PCARE: variants seen among roughly 807,000 people sequenced by gnomAD.
PCARE encodes uncharacterized protein C2orf71.
In PCARE, 72 loss-of-function variants were observed where a neutral mutation model predicts 82.2. That is an observed-to-expected ratio of 0.88 (90% CI 0.72 to 1.07). The LOEUF is 1.07. PCARE is among the 50% of genes least tolerant of loss of function. The probability of loss-of-function intolerance (pLI) is 0.00; values close to 1 mark genes in which losing one functional copy is unlikely to be tolerated. For synonymous variants in PCARE, 705 were observed against 634.8 expected (o/e 1.11, Z -1.66); for missense variants, 1,768 against 1,592.4 (o/e 1.11, Z -1.88).
Position 29,073,798 on chromosome 2 carries a change from C to T in PCARE, c.464G>A (p.Ser155Asn). The T allele has an allele frequency of 6.8e-6, 11 of 1,614,194 alleles. No homozygotes were observed. Among genetic ancestry groups the T allele is most frequent in the Non-Finnish European group, 9.3e-6 (11 of 1,180,044 alleles). Reference sequence around the variant, plus strand: ...GGTTTGGTAGCAGTGGCTCTGTGTGCTTGACGTGTGACATTTTGCTGTCCT... The same window carrying T: ...GGTTTGGTAGCAGTGGCTCTGTGTGTTTGACGTGTGACATTTTGCTGTCCT... Reference protein sequence around the residue: ...WKRTAKCHTSSTQSHCYQTIH... With the variant: ...WKRTAKCHTSNTQSHCYQTIH... The change falls in exon 1 of 2, where the codon AGC (serine) becomes AAC (asparagine). Residue 155 changes from serine (S) to asparagine (N), a missense_variant. Ser to Asn is a conservative substitution (Grantham distance 46, BLOSUM62 1). Coordinates refer to ENST00000331664, the MANE Select transcript of PCARE (RefSeq NM_001029883.3).
Position 29,072,683 on chromosome 2 carries a change from C to A in PCARE, c.1579G>T (p.Ala527Ser). The A allele has an allele frequency of 6.2e-7, 1 of 1,614,052 alleles. No individual in the cohort carries two copies. The highest frequency in any genetic ancestry group is 8.5e-7 in the Non-Finnish European group (1 of 1,180,016). The change falls in exon 1 of 2, where the codon GCC (alanine) becomes TCC (serine). Residue 527 changes from alanine (A) to serine (S), a missense_variant. Transcript: ENST00000331664. ...AGGCTCCTAAGCCTCCTGGTGCGGG[C>A]CTGAAATGGGCTTTCCCGGTCAGCA... is the stretch of plus-strand genomic sequence containing the variant. ...SPADRESPFQARTRRLRSLQA... is the reference protein window; with the variant it reads ...SPADRESPFQSRTRRLRSLQA...
rs534027529 is a variant in PCARE at position 29,074,210 on chromosome 2, C to T, written c.52G>A (p.Gly18Ser). The change falls in exon 1 of 2, where the codon GGC becomes AGC. Residue 18 changes from glycine to serine, a missense_variant. Gly to Ser is a moderately conservative substitution (Grantham distance 56). Coordinates refer to ENST00000331664, the MANE Select transcript of PCARE (RefSeq NM_001029883.3). ...SDLVNSVAKS[G>S]IQFLKKPKAI... ...TTGGGCTTTTTCAAGAACTGAATGC[C>T]ACTCTTTGCAACGCTGTTTACAAGG... is the stretch of plus-strand genomic sequence containing the variant. 15 of 1,593,424 alleles carry T rather than the reference C, an allele frequency of 9.4e-6. No individual in the cohort carries two copies. Among genetic ancestry groups the T allele is most frequent in the Non-Finnish European group, 1.3e-5 (15 of 1,169,410 alleles).
rs750343862 is a variant in PCARE at position 29,072,379 on chromosome 2, G to C, written c.1883C>G (p.Ala628Gly). Residue 628 changes from alanine to glycine, a missense_variant, in exon 1 of 2, where the codon GCC becomes GGC. Ala to Gly is a moderately conservative substitution (Grantham distance 60). Coordinates refer to ENST00000331664, the MANE Select transcript of PCARE (RefSeq NM_001029883.3). ...DLSQKLEAFYALGAKGQGQSQ... is the reference protein window; with the variant it reads ...DLSQKLEAFYGLGAKGQGQSQ... ...CTGCCCCTGCCCTTTGGCACCCAGG[G>C]CATAAAATGCCTCCAGCTTCTGACT... 1.2e-6 allele frequency: 2 copies of C among 1,614,108 alleles called. No homozygotes were observed. The highest frequency in any genetic ancestry group is 8.5e-7 in the Non-Finnish European group (1 of 1,180,030).
rs1243777937 is a variant in PCARE, at chr2:29,070,738, G to A, written c.3524C>T (p.Ser1175Leu). 8.7e-6 allele frequency: 14 copies of A among 1,614,146 alleles called. No homozygotes were observed. In the Middle Eastern group the frequency reaches 1.5e-3, roughly 171 times the overall value. ...GGCACACAGAGCTGCTCTCCGCTGC[G>A]AGTCTGCTCTCAGCCAAGGCCCTGA... ...NSSGPWLRADSQRRAALCALN... is the reference protein window; with the variant it reads ...NSSGPWLRADLQRRAALCALN... Residue 1175 changes from serine (S) to leucine (L), a missense_variant, in exon 1 of 2, where the codon TCG (serine) becomes TTG (leucine). Transcript: ENST00000331664.
chr2:29,069,209 TAG>T (rs1667435238), intron 1 of PCARE, among the ~76,000 whole-genome samples: 2 of 152,208 alleles, frequency 1.3e-5, no homozygotes, highest in Admixed American at 1.3e-4. Flanking sequence ...TTTGTTGTTG[TAG>T]AAGATACTCT....
In PCARE at chr2:29,073,929, A is replaced by G. The variant is rs567461170; in HGVS notation, c.333T>C (p.Ala111=). ...SQLNKSQSHM[A]KDIPFKTQGS... Reference sequence around the variant, plus strand: ...CCTGTGTCTTGAACGGAATATCCTTAGCCATGTGGCTTTGTGATTTGTTCA... The same window carrying G: ...CCTGTGTCTTGAACGGAATATCCTTGGCCATGTGGCTTTGTGATTTGTTCA... Residue 111 remains alanine, a synonymous_variant, in exon 1 of 2, where the codon GCT becomes GCC. Transcript: ENST00000331664. The G allele has an allele frequency of 1.2e-6, 2 of 1,614,206 alleles. No individual in the cohort carries two copies. The highest frequency in any genetic ancestry group is 2.2e-5 in the South Asian group (2 of 91,078).
chr2:29,072,013 G>C lies in PCARE; in HGVS notation c.2249C>G (p.Ser750Cys). Residue 750 changes from serine to cysteine, a missense_variant, in exon 1 of 2, where the codon TCT becomes TGT. Ser to Cys is a moderately radical substitution (Grantham distance 112). Transcript: ENST00000331664. ...PTESLRMLGD[S>C]KDAGASPCLR... The stretch of plus-strand genomic sequence containing the variant: ...GCAGGGACTTGCCCCAGCGTCCTTA[G>C]AGTCCCCCAGCATCCTCAGACTCTC... The C allele has an allele frequency of 6.2e-7, 1 of 1,614,030 alleles. No individual in the cohort carries two copies. Among genetic ancestry groups the C allele is most frequent in the South Asian group, 1.1e-5 (1 of 91,072 alleles).
At chr2:29,065,868 C>T (rs957422720) in intron 1 of PCARE, among the ~76,000 whole-genome samples, 5 of 152,152 alleles carry the variant, frequency 3.3e-5, no homozygotes, top group African/African-American at 9.7e-5. Flanking sequence ...AGTAATAGGC[C>T]GGGCGTGCTG....
Position 29,073,318 on chromosome 2 carries a change from C to T in PCARE, c.944G>A (p.Arg315Lys), listed in dbSNP as rs756484547. 1.9e-5 allele frequency: 31 copies of T among 1,614,020 alleles called. No homozygotes were observed. The highest frequency in any genetic ancestry group is 2.5e-5 in the Non-Finnish European group (30 of 1,180,040). Residue 315 changes from arginine to lysine, a missense_variant, in exon 1 of 2, where the codon AGG becomes AAG. Transcript: ENST00000331664. Reference protein sequence around the residue: ...THLENKLSTKRNVDERLLRAL... With the variant: ...THLENKLSTKKNVDERLLRAL... ...CCTCAGGAGGCGTTCATCCACATTC[C>T]TTTTTGTGCTCAGCTTATTTTCCAA...
Position 29,071,283 on chromosome 2 carries a change from C to G in PCARE, c.2979G>C (p.Lys993Asn). ...CCCAGTGTGTCCTCGTGGGAGAGGC[C>G]TTTCTGCCCACAGGGGGGCTTCTCT... ...SRERSPPVGR[K>N]ASPTRTHWVP... is the part of the protein sequence containing the mutation. The change falls in exon 1 of 2, where the codon AAG (lysine) becomes AAC (asparagine). Residue 993 changes from lysine (K) to asparagine (N), a missense_variant. Coordinates refer to ENST00000331664, the MANE Select transcript of PCARE (RefSeq NM_001029883.3). 6.2e-7 allele frequency: 1 copy of G among 1,613,412 alleles called. No individual in the cohort carries two copies. The highest frequency in any genetic ancestry group is 1.3e-5 in the African/African-American group (1 of 74,982).
chr2:29,072,617 T>C lies in PCARE; in HGVS notation c.1645A>G (p.Ser549Gly), dbSNP rs750746810. 2 of 1,614,124 alleles carry C rather than the reference T, an allele frequency of 1.2e-6. No individual in the cohort carries two copies. Among genetic ancestry groups the C allele is most frequent in the African/African-American group, 1.3e-5 (1 of 75,066 alleles). The change falls in exon 1 of 2, where the codon AGC becomes GGC. Residue 549 changes from serine (S) to glycine (G), a missense_variant. By Grantham distance (56) the Ser-to-Gly change is moderately conservative (BLOSUM62 0). Coordinates refer to ENST00000331664, the MANE Select transcript of PCARE (RefSeq NM_001029883.3). ...EMILKMKESI[S>G]ERIKFVPVPC... Reference sequence around the variant, plus strand: ...ACAGGGACAAACTTGATCCTTTCGCTGATTGACTCCTTCATCTTCAGAATC... The same window carrying C: ...ACAGGGACAAACTTGATCCTTTCGCCGATTGACTCCTTCATCTTCAGAATC...
In PCARE at chr2:29,073,925, C is replaced by A; in HGVS notation, c.337G>T (p.Asp113Tyr). The change falls in exon 1 of 2, where the codon GAT (aspartate) becomes TAT (tyrosine). Residue 113 changes from aspartate to tyrosine, a missense_variant. Physicochemically the swap from Asp to Tyr is radical, Grantham distance 160. Transcript: ENST00000331664. ...GAACCCTGTGTCTTGAACGGAATAT[C>A]CTTAGCCATGTGGCTTTGTGATTTG... ...LNKSQSHMAK[D>Y]IPFKTQGSHG... 1 of 1,614,256 alleles carries A rather than the reference C, an allele frequency of 6.2e-7. No homozygotes were observed.
chr2:29,069,207 T>G (rs1233641625), intron 1 of PCARE, among the ~76,000 whole-genome samples: 2 of 152,200 alleles, frequency 1.3e-5, no homozygotes, highest in African/African-American at 4.8e-5. Context: ...TTTTTGTTGT[T>G]GTAGAAGATA....
rs376533270 is a variant in PCARE, at chr2:29,071,939, C to T, written c.2323G>A (p.Ala775Thr). The change falls in exon 1 of 2, where the codon GCC becomes ACC. Residue 775 changes from alanine (A) to threonine (T), a missense_variant. Ala to Thr is a moderately conservative substitution (Grantham distance 58). Coordinates refer to ENST00000331664, the MANE Select transcript of PCARE (RefSeq NM_001029883.3). ...PPRFPKYTGLAPLYPKPQISP... is the reference protein window; with the variant it reads ...PPRFPKYTGLTPLYPKPQISP... ...ATTTGGGGCTTCGGATACAAAGGGG[C>T]AAGCCCTGTGTACTTGGGAAATCTG... The T allele has an allele frequency of 1.2e-5, 20 of 1,614,188 alleles. No homozygotes were observed. The African/African-American group carries it at 2.5e-4, about 20-fold the overall frequency.
rs978773304 is a variant in PCARE at position 29,064,378 on chromosome 2, G to A, written c.*491C>T. On this transcript the variant is annotated 3_prime_UTR_variant, in exon 2 of 2. Transcript: ENST00000331664. ...AGAGATTCTAACACCAGACTCATCT[G>A]TGCAAAATTTTGCTCTATTCTCTTC... The A allele has an allele frequency of 2.1e-5, 4 of 191,052 alleles. No individual in the cohort carries two copies. The highest frequency in any genetic ancestry group is 4.4e-5 in the Non-Finnish European group (4 of 90,846). 11.8% of individuals were successfully genotyped at this position (191,052 alleles called of 1,614,324 possible). A position where few individuals can be genotyped will look rare whatever the true frequency, so the allele number is the denominator to read the frequency against.
In PCARE at chr2:29,064,847, G is replaced by C. The variant is rs1464000003; in HGVS notation, c.*22C>G. The C allele has an allele frequency of 6.2e-7, 1 of 1,609,294 alleles. No individual in the cohort carries two copies. The highest frequency in any genetic ancestry group is 8.5e-7 in the Non-Finnish European group (1 of 1,179,948). ...TTGGCCTTCTGGGGTGACTGCGTGA[G>C]TGTGGCCCCCTCGTCAGCCTGTCAG... On this transcript the variant is annotated 3_prime_UTR_variant, in exon 2 of 2. Transcript: ENST00000331664.
In PCARE at chr2:29,071,962, C is replaced by T. The variant is rs749301631; in HGVS notation, c.2300G>A (p.Arg767Lys). Residue 767 changes from arginine to lysine, a missense_variant, in exon 1 of 2, where the codon AGA becomes AAA. By Grantham distance (26) the Arg-to-Lys change is conservative. Transcript: ENST00000331664. ...GGCAAGCCCTGTGTACTTGGGAAAT[C>T]TGGGGGGCATGATGCAATTCCTGAG... ...PCLRNCIMPP[R>K]FPKYTGLAPL... is the part of the protein sequence containing the mutation. 3 of 1,613,910 alleles carry T rather than the reference C, an allele frequency of 1.9e-6. No homozygotes were observed. The highest frequency in any genetic ancestry group is 2.2e-5 in the East Asian group (1 of 44,890).
chr2:29,071,079 G>A lies in PCARE; in HGVS notation c.3183C>T (p.Pro1061=), dbSNP rs1201891050. Residue 1061 remains proline, a synonymous_variant, in exon 1 of 2, where the codon CCC becomes CCT. Coordinates refer to ENST00000331664, the MANE Select transcript of PCARE (RefSeq NM_001029883.3). ...PHQPKLPNPP[P]ESAPAQCKVP... ...CCTTGCACTGAGCAGGTGCACTCTC[G>A]GGGGGAGGGTTGGGCAACTTGGGCT... The A allele has an allele frequency of 1.6e-5, 25 of 1,588,022 alleles. No individual in the cohort carries two copies. The highest frequency in any genetic ancestry group is 2.1e-5 in the Non-Finnish European group (24 of 1,166,026).
intron 1 of PCARE, among the ~76,000 whole-genome samples, chr2:29,068,533 C>T (rs188423193): frequency 6.6e-6 from 1 of 152,244 alleles, no homozygotes; most frequent in Admixed American, 6.5e-5. Context: ...AGACCTCAGA[C>T]ATTTTTTTTT....
Sources: allele counts gnomAD v4.1 joint callset (sites outside exome capture counted in the v4.1 genomes callset), GRCh38; gene constraint gnomAD v4.1.1; transcripts MANE v1.5; gene names NCBI Gene and HGNC (gene_info 2026-07-23, HGNC 2026-07-21).